WWTR1: variants seen among roughly 807,000 people sequenced by gnomAD.
The protein encoded by WWTR1 is WW domain containing transcription regulator 1, also known as WW domain-containing transcription regulator protein 1.
WWTR1 carries 13 observed loss-of-function variants against 40.1 expected under a neutral mutation model. That is an observed-to-expected ratio of 0.32 (90% CI 0.21 to 0.52). The LOEUF is 0.52. WWTR1 is among the 20% of genes least tolerant of loss of function. The pLI, the probability that WWTR1 is intolerant of heterozygous loss-of-function variation, is 0.97. For synonymous variants in WWTR1, 230 were observed against 210.1 expected, an observed-to-expected ratio of 1.09 and a Z score of -0.82; for missense variants, 436 against 523.1, an observed-to-expected ratio of 0.83 and a Z score of 1.63.
chr3:149,602,166 G>T (rs1199006983), intron 2 of WWTR1, among the ~76,000 whole-genome samples: 1 of 152,100 alleles, frequency 6.6e-6, no homozygotes, highest in Non-Finnish European at 1.5e-5. Flanking sequence ...TTCCCCCACA[G>T]GAGAAAAATG....
intron 2 of WWTR1, among the ~76,000 whole-genome samples, chr3:149,647,908 TCCA>T (rs1712628397): frequency 6.6e-6 from 1 of 152,100 alleles, no homozygotes; most frequent in South Asian, 2.1e-4. Flanking sequence ...TAGCTGAGGC[TCCA>T]GAACCTCAAT....
intron 3 of WWTR1, among the ~76,000 whole-genome samples, chr3:149,547,594 A>T (rs1407014794): frequency 6.6e-6 from 1 of 152,140 alleles, no homozygotes; most frequent in Non-Finnish European, 1.5e-5. Context: ...GATTAAGGGC[A>T]GACTGCCACA....
chr3:149,667,420 C>T (rs940205427), intron 2 of WWTR1, among the ~76,000 whole-genome samples: 3 of 151,748 alleles, frequency 2.0e-5, no homozygotes, highest in Non-Finnish European at 4.4e-5. Context: ...TGGTGGTGGG[C>T]ACCTGTAGTC....
chr3:149,625,100 C>CTT (rs759849000), intron 2 of WWTR1, among the ~76,000 whole-genome samples: 92 of 96,322 alleles, frequency 9.6e-4, no homozygotes, highest in Non-Finnish European at 1.2e-3. Context: ...CAACTCTACC[C>CTT]TTTTTTTTTT....
intron 2 of WWTR1, among the ~76,000 whole-genome samples, chr3:149,653,741 G>A (rs1713034532): frequency 6.6e-6 from 1 of 152,148 alleles, no homozygotes; most frequent in Non-Finnish European, 1.5e-5. Flanking sequence ...ATGGGGGAAA[G>A]GTGTCGGTGG....
chr3:149,576,040 C>A (rs753466340), intron 2 of WWTR1: 14 of 456,602 alleles, frequency 3.1e-5, no homozygotes, highest in Non-Finnish European at 4.8e-5. Context: ...TCACAGCATT[C>A]CCCAAAGGCT....
Position 149,648,443 on chromosome 3 carries a change from C to CA in WWTR1, c.431+8432dup, listed in dbSNP as rs937540119. Among the ~76,000 whole-genome samples the CA allele has an allele frequency of 1.6e-3, 232 of 145,854 alleles. 1 individual carries two copies. The South Asian group carries it at 0.018, about 11-fold the overall frequency. ...AAAGGAAAACCAAAACTAAACAAAACAAAAAAAAAACAGTAATATGAGAGT... is the reference window on the plus strand; with the variant it reads ...AAAGGAAAACCAAAACTAAACAAAACAAAAAAAAAAACAGTAATATGAGAGT... On this transcript the variant is annotated intron_variant, in intron 2 of 6. Coordinates refer to ENST00000360632, the MANE Select transcript of WWTR1 (RefSeq NM_015472.6).
At chr3:149,524,561 ACTGAAGTAAT>A (rs907864821) in intron 6 of WWTR1, among the ~76,000 whole-genome samples, 1 of 152,312 alleles carries the variant, frequency 6.6e-6, no homozygotes, top group African/African-American at 2.4e-5. Flanking sequence ...TGGGGGAAGA[ACTGAAGTAAT>A]AAACTGAAGA....
chr3:149,535,691 T>G (rs1735796129), intron 4 of WWTR1, among the ~76,000 whole-genome samples: 1 of 145,952 alleles, frequency 6.9e-6, no homozygotes, highest in South Asian at 2.3e-4. Flanking sequence ...ATAATTTAGA[T>G]ACTCGTCTGT....
intron 2 of WWTR1, among the ~76,000 whole-genome samples, chr3:149,604,632 C>T (rs1373452830): frequency 2.0e-5 from 3 of 152,210 alleles, no homozygotes; most frequent in Admixed American, 2.0e-4. Context: ...TTCCTCCCAG[C>T]CCACATGCTG....
Position 149,519,219 on chromosome 3 carries a change from G to A in WWTR1, c.*1586C>T, listed in dbSNP as rs1013816214. The stretch of plus-strand genomic sequence containing the variant: ...CATGATGCTCTCTCAGTCCTTAAAA[G>A]CTAATTAAAAATGGTTTTGGTTACA... On this transcript the variant is annotated 3_prime_UTR_variant, in exon 7 of 7. Coordinates refer to ENST00000360632, the MANE Select transcript of WWTR1 (RefSeq NM_015472.6). 1 of 152,162 alleles carries A rather than the reference G, an allele frequency of 6.6e-6. No homozygotes were observed. The highest frequency in any genetic ancestry group is 2.1e-4 in the South Asian group (1 of 4,830). 9.4% of individuals were successfully genotyped at this position (152,162 alleles called of 1,614,324 possible).
At chr3:149,670,064 C>T (rs990263822) in intron 1 of WWTR1, among the ~76,000 whole-genome samples, 5 of 152,204 alleles carry the variant, frequency 3.3e-5, no homozygotes, top group Admixed American at 2.6e-4. Flanking sequence ...AGGGGCGTCC[C>T]GCGATGGGCA....
At chr3:149,601,350 C>A (rs1386208253) in intron 2 of WWTR1, among the ~76,000 whole-genome samples, 1 of 152,038 alleles carries the variant, frequency 6.6e-6, no homozygotes, top group Non-Finnish European at 1.5e-5. Flanking sequence ...CAGGTGAGCC[C>A]CCATACCTGG....
At chr3:149,528,102 G>T in intron 4 of WWTR1, 133 bp from the exon 5 acceptor site, 1 of 1,129,824 alleles carries the variant, frequency 8.9e-7, no homozygotes, top group Non-Finnish European at 1.2e-6. Context: ...AAATCACCAG[G>T]CAACCATTAG....
intron 3 of WWTR1, among the ~76,000 whole-genome samples, chr3:149,567,134 T>G (rs1737363911): frequency 6.6e-6 from 1 of 151,492 alleles, no homozygotes; most frequent in Non-Finnish European, 1.5e-5. Context: ...GCCTCATTAG[T>G]GTGTGACAGC....
intron 1 of WWTR1, among the ~76,000 whole-genome samples, chr3:149,698,419 C>A (rs1373441196): frequency 6.6e-6 from 1 of 152,230 alleles, no homozygotes; most frequent in Non-Finnish European, 1.5e-5. Flanking sequence ...GAGGACTCCC[C>A]AGCCATGTTG....
At chr3:149,588,997 T>C (rs1738574309) in intron 2 of WWTR1, among the ~76,000 whole-genome samples, 1 of 152,150 alleles carries the variant, frequency 6.6e-6, no homozygotes, top group Non-Finnish European at 1.5e-5. Context: ...CAAGGGAAGT[T>C]CTATAATTAA....
intron 1 of WWTR1, among the ~76,000 whole-genome samples, chr3:149,698,413 A>G (rs1302773332): frequency 6.6e-6 from 1 of 151,766 alleles, no homozygotes; most frequent in Admixed American, 6.6e-5. Flanking sequence ...TTTCCTGAGG[A>G]CTCCCCAGCC....
At chr3:149,622,502 G>GAAGGAAGGAAGGAAGAAAGAAAGA (rs1553800283) in intron 2 of WWTR1, among the ~76,000 whole-genome samples, 10 of 46,324 alleles carry the variant, frequency 2.2e-4, no homozygotes, top group African/African-American at 3.2e-4. Context: ...AGGAAGGAAG[G>GAAGGAAGGAAGGAAGAAAGAAAGA]AAGAAAGAAA....
Sources: gnomAD v4.1 joint callset for allele counts (sites outside exome capture counted in the v4.1 genomes callset) on GRCh38, gnomAD v4.1.1 for gene constraint, MANE v1.5 for transcripts, NCBI Gene and HGNC (gene_info 2026-07-23, HGNC 2026-07-21) for gene names.